PLEKHM3: variants seen among roughly 807,000 people sequenced by gnomAD.
PLEKHM3 encodes the protein pleckstrin homology domain-containing family M member 3.
Under a neutral mutation model 81.8 loss-of-function variants are expected in PLEKHM3, and 45 were observed. The ratio of observed to expected loss-of-function variants is 0.55; its 90% confidence interval spans 0.43 to 0.71. The LOEUF (loss-of-function observed/expected upper bound fraction) is 0.71, where lower values mean the gene tolerates loss of function less well. Among genes scored for constraint, PLEKHM3 ranks in the 30% least tolerant of loss-of-function variants. PLEKHM3 has a pLI of 0.00. For synonymous variants in PLEKHM3, 352 were observed against 356.4 expected, an observed-to-expected ratio of 0.99 and a Z score of 0.14; for missense variants, 788 against 924.3, an observed-to-expected ratio of 0.85 and a Z score of 1.91.
At chr2:207,929,801 G>A (rs981949274) in intron 5 of PLEKHM3, 2 of 585,040 alleles carry the variant, frequency 3.4e-6, no homozygotes. Context: ...TTCTTTTTTA[G>A]ATGCCCGGGG....
intron 6 of PLEKHM3, among the ~76,000 whole-genome samples, chr2:207,887,730 T>G (rs115415007): frequency 8.6e-4 from 131 of 152,332 alleles, no homozygotes; most frequent in Non-Finnish European, 7.3e-4. Flanking sequence ...CTAAGCTTGT[T>G]GCCTTTCATG....
chr2:207,919,369 G>A (rs148661425), intron 5 of PLEKHM3, among the ~76,000 whole-genome samples: 1 of 152,216 alleles, frequency 6.6e-6, no homozygotes, highest in East Asian at 1.9e-4. Context: ...TGGAGCGAGA[G>A]GTGAAACTAT....
At chr2:207,978,738 C>T (rs913369994) in intron 2 of PLEKHM3, among the ~76,000 whole-genome samples, 11 of 152,188 alleles carry the variant, frequency 7.2e-5, no homozygotes. Context: ...TGCACACTTA[C>T]CCTCTTTCAG....
At chr2:207,850,279 A>G (rs2092405636) in intron 7 of PLEKHM3, among the ~76,000 whole-genome samples, 1 of 152,202 alleles carries the variant, frequency 6.6e-6, no homozygotes, top group Non-Finnish European at 1.5e-5. Context: ...AACCATAGCA[A>G]ATGCCTACCA....
At chr2:207,902,827 CCCAT>C (rs1688478423) in intron 6 of PLEKHM3, among the ~76,000 whole-genome samples, 1 of 105,470 alleles carries the variant, frequency 9.5e-6, no homozygotes, top group African/African-American at 4.1e-5. Context: ...CACCCACCCA[CCCAT>C]CCACCCACCC....
intron 5 of PLEKHM3, among the ~76,000 whole-genome samples, chr2:207,919,270 C>A (rs144071012): frequency 6.6e-6 from 1 of 152,164 alleles, no homozygotes; most frequent in African/African-American, 2.4e-5. Flanking sequence ...GCCAGTGTGA[C>A]TGGAACAGAG....
At chr2:207,931,746 G>GCAGATCACTTGAGGT (rs1689605738) in intron 4 of PLEKHM3, among the ~76,000 whole-genome samples, 1 of 152,222 alleles carries the variant, frequency 6.6e-6, no homozygotes, top group Non-Finnish European at 1.5e-5. Context: ...GCTGAGGCGG[G>GCAGATCACTTGAGGT]CAGATCACTT....
At chr2:207,979,694 G>A (rs568870288) in intron 2 of PLEKHM3, among the ~76,000 whole-genome samples, 1 of 152,128 alleles carries the variant, frequency 6.6e-6, no homozygotes, top group South Asian at 2.1e-4. Context: ...CCCTAAAAAA[G>A]ATAAATCATA....
chr2:208,004,721 CTG>C (rs1692441788), intron 1 of PLEKHM3, among the ~76,000 whole-genome samples: 1 of 152,166 alleles, frequency 6.6e-6, no homozygotes, highest in African/African-American at 2.4e-5. Flanking sequence ...ATGACCCTCC[CTG>C]ACCACCCTCT....
rs569655255 is a variant in PLEKHM3, at chr2:207,824,818, A to C, written c.*3501T>G. 9 of 152,212 alleles carry C rather than the reference A, an allele frequency of 5.9e-5. No homozygotes were observed. Among genetic ancestry groups the C allele is most frequent in the Non-Finnish European group, 1.2e-4 (8 of 68,044 alleles). The allele number at this position is 152,212 out of a possible 1,614,324, so 9.4% of individuals were successfully genotyped here. On this transcript the variant is annotated 3_prime_UTR_variant, in exon 8 of 8. Coordinates refer to ENST00000427836, the MANE Select transcript of PLEKHM3 (RefSeq NM_001080475.3). ...CACCTCGGATCTCACTGCAGCCGGAAGGAAGTCACGGCATAGTCCCTTTTC... is the reference window on the plus strand; with the variant it reads ...CACCTCGGATCTCACTGCAGCCGGACGGAAGTCACGGCATAGTCCCTTTTC...
rs535110125 is a variant in PLEKHM3 at position 208,006,647 on chromosome 2, T to C, written c.-318-4690A>G. ...GGAGCACTCCATTGGACCTCACCCA[T>C]TCAACAACCAAGTGTTCCTCATCTC... On this transcript the variant is annotated intron_variant, in intron 1 of 7. Transcript: ENST00000427836. Among the ~76,000 whole-genome samples, 156 of 152,326 alleles carry C rather than the reference T, an allele frequency of 1.0e-3. 1 individual carries two copies. The highest frequency in any genetic ancestry group is 3.7e-3 in the African/African-American group (152 of 41,556).
Position 207,977,521 on chromosome 2 carries a change from T to G in PLEKHM3, c.676A>C (p.Ser226Arg). 6.2e-7 allele frequency: 1 copy of G among 1,614,148 alleles called. No homozygotes were observed. ...GYLEIRKDHDSYWQSCYAELS... is the reference protein window; with the variant it reads ...GYLEIRKDHDRYWQSCYAELS... ...TCTGCATAACAGCTTTGCCAGTAAC[T>G]GTCATGGTCCTTTCTAATCTCCAGG... Residue 226 changes from serine to arginine, a missense_variant, in exon 3 of 8, where the codon AGT becomes CGT. Coordinates refer to ENST00000427836, the MANE Select transcript of PLEKHM3 (RefSeq NM_001080475.3).
chr2:207,866,625 T>C (rs2092502562), intron 6 of PLEKHM3, among the ~76,000 whole-genome samples: 1 of 152,210 alleles, frequency 6.6e-6, no homozygotes, highest in Non-Finnish European at 1.5e-5. Context: ...ACTCATTTCG[T>C]ATTTCTTAAC....
At chr2:207,846,107 C>T (rs374610652) in intron 7 of PLEKHM3, among the ~76,000 whole-genome samples, 6 of 152,142 alleles carry the variant, frequency 3.9e-5, no homozygotes, top group South Asian at 2.1e-4. Flanking sequence ...TAGCTAGGAA[C>T]GACATCGAGA....
intron 1 of PLEKHM3, among the ~76,000 whole-genome samples, chr2:208,023,063 T>A (rs1380225247): frequency 6.6e-6 from 1 of 152,194 alleles, no homozygotes; most frequent in Non-Finnish European, 1.5e-5. Flanking sequence ...GCTAATAAAA[T>A]TTTGAAAACA....
chr2:207,851,899 G>A (rs1451182328), intron 7 of PLEKHM3, among the ~76,000 whole-genome samples: 1 of 152,058 alleles, frequency 6.6e-6, no homozygotes, highest in Non-Finnish European at 1.5e-5. Context: ...AGCTTCACAG[G>A]TACCCCTTGC....
intron 6 of PLEKHM3, among the ~76,000 whole-genome samples, chr2:207,870,424 A>T (rs1043549071): frequency 3.9e-5 from 6 of 152,224 alleles, no homozygotes; most frequent in Admixed American, 6.5e-5. Context: ...GCTGCACTTG[A>T]CAAACAACTC....
intron 6 of PLEKHM3, among the ~76,000 whole-genome samples, chr2:207,887,147 A>G (rs1687907267): frequency 6.6e-6 from 1 of 152,248 alleles, no homozygotes; most frequent in Admixed American, 6.5e-5. Context: ...GTCTAGGCCT[A>G]TGTTAGACTG....
chr2:207,984,783 C>G (rs7355275), intron 2 of PLEKHM3, among the ~76,000 whole-genome samples: 100,554 of 152,108 alleles, frequency 0.66, 34,013 homozygotes, highest in Non-Finnish European at 0.73. Context: ...TCTCTTCCTC[C>G]TTTTTTTCAT....
Sources: allele counts gnomAD v4.1 joint callset (sites outside exome capture counted in the v4.1 genomes callset), GRCh38; gene constraint gnomAD v4.1.1; transcripts MANE v1.5; gene names NCBI Gene and HGNC (gene_info 2026-07-23, HGNC 2026-07-21).